DPF2: variants seen among roughly 807,000 people sequenced by gnomAD.
DPF2 encodes the protein zinc finger protein ubi-d4.
DPF2 carries 10 observed loss-of-function variants against 59.6 expected under a neutral mutation model. The observed-to-expected ratio is 0.17, with a 90% confidence interval of 0.10 to 0.28. DPF2 has a LOEUF of 0.28. Ranked by LOEUF, DPF2 falls within the 10% of genes least tolerant of loss-of-function variation. The probability of loss-of-function intolerance (pLI) is 1.00; values close to 1 mark genes in which losing one functional copy is unlikely to be tolerated. For synonymous variants in DPF2, 189 were observed against 190.6 expected, an observed-to-expected ratio of 0.99 and a Z score of 0.07; for missense variants, 315 against 509.4, an observed-to-expected ratio of 0.62 and a Z score of 3.67.
In DPF2 at chr11:65,346,069, C is replaced by T; in HGVS notation, c.904+11C>T. ...ACTGTGGCCGCTCAGGTACTGCTTC[C>T]CGTGAAGGCTGCTGCTTTGCCCAGT... On this transcript the variant is annotated intron_variant, in intron 8 of 10. Transcript: ENST00000528416. 1.9e-6 allele frequency: 3 copies of T among 1,614,064 alleles called. No homozygotes were observed. The highest frequency in any genetic ancestry group is 2.5e-6 in the Non-Finnish European group (3 of 1,179,978).
At chr11:65,336,497 AAAAG>A (rs943747219) in intron 1 of DPF2, among the ~76,000 whole-genome samples, 8 of 152,182 alleles carry the variant, frequency 5.3e-5, no homozygotes, top group African/African-American at 1.7e-4. Flanking sequence ...TTTCTTAAAA[AAAAG>A]AAAGAGGCTG....
At position 65,352,971 on chromosome 11, in the gene DPF2, T is replaced by C. The variant is rs775541722; in HGVS notation, c.*1212T>C. 3 of 152,144 alleles carry C rather than the reference T, an allele frequency of 2.0e-5. No homozygotes were observed. The highest frequency in any genetic ancestry group is 4.4e-5 in the Non-Finnish European group (3 of 68,030). The allele number at this position is 152,144 out of a possible 1,614,324, so 9.4% of individuals were successfully genotyped here. A position where few individuals can be genotyped will look rare whatever the true frequency, so the allele number is the denominator to read the frequency against. ...CTAAACATTAGTAAAAATAAATGTT[T>C]TTACACAGAGCCCTCTGCTGGATGG... On this transcript the variant is annotated 3_prime_UTR_variant, in exon 11 of 11. Transcript: ENST00000528416.
In DPF2 at chr11:65,345,926, G is replaced by C; in HGVS notation, c.776-4G>C. 1 of 1,614,018 alleles carries C rather than the reference G, an allele frequency of 6.2e-7. No individual in the cohort carries two copies. Among genetic ancestry groups the C allele is most frequent in the Non-Finnish European group, 8.5e-7 (1 of 1,179,972 alleles). On this transcript the variant is annotated splice_region_variant and splice_polypyrimidine_tract_variant and intron_variant, in intron 7 of 10. Coordinates refer to ENST00000528416, the MANE Select transcript of DPF2 (RefSeq NM_006268.5). ...GGTGTCATCAAAACTCTTTCTCTCT[G>C]TAGCCAAAAAGGGTCCTGATGGATT...
intron 4 of DPF2, 190 bp downstream of exon 4, chr11:65,341,752 ACT>A (rs1854381043): frequency 1.5e-6 from 1 of 663,580 alleles, no homozygotes. Context: ...CTAACTATAG[ACT>A]CTCATTCATT....
intron 10 of DPF2, among the ~76,000 whole-genome samples, chr11:65,350,521 C>A (rs1651663089): frequency 6.6e-6 from 1 of 150,980 alleles, no homozygotes; most frequent in Non-Finnish European, 1.5e-5. Context: ...GTACCTGGGA[C>A]TACAGGCATG....
chr11:65,352,171 C>T lies in DPF2; in HGVS notation c.*412C>T, dbSNP rs1565545323. 5.0e-6 allele frequency: 1 copy of T among 200,374 alleles called. No individual in the cohort carries two copies. The allele number at this position is 200,374 out of a possible 1,614,324, so 12.4% of individuals were successfully genotyped here. A position where few individuals can be genotyped will look rare whatever the true frequency, so the allele number is the denominator to read the frequency against. On this transcript the variant is annotated 3_prime_UTR_variant, in exon 11 of 11. Transcript: ENST00000528416. ...TCCTGTCCTCTAGAGGCAAGCCAGG[C>T]CAGGGAGCTGGGAGCGAGCAAGCTG...
chr11:65,343,992 G>A lies in DPF2; in HGVS notation c.560G>A (p.Gly187Asp). 6.2e-7 allele frequency: 1 copy of A among 1,614,194 alleles called. No individual in the cohort carries two copies. Among genetic ancestry groups the A allele is most frequent in the Non-Finnish European group, 8.5e-7 (1 of 1,180,028 alleles). Residue 187 changes from glycine (G) to aspartate (D), a missense_variant and splice_region_variant, in exon 6 of 11, where the codon GGT (glycine) becomes GAT (aspartate). Physicochemically the swap from Gly to Asp is moderately conservative, Grantham distance 94. Around this residue, in one of 4 missense-constraint regions of DPF2, gnomAD observed 228 missense variants for 275.3 expected, o/e 0.83. Transcript: ENST00000528416. ...GTGTCTCTTTGCTCTTCTTGGCAGG[G>A]TAAGGGTGTGGGCAGTGCCCGTAAG... ...PKRRGKGKSK[G>D]KGVGSARKKL...
rs1246824997 is a variant in DPF2, at chr11:65,351,761, G to C, written c.*2G>C. ...TACCAGAACCAGAACTCCTCTTGATGTGGCCACCCACCTGCTCCCCGACAT... is the reference window on the plus strand; with the variant it reads ...TACCAGAACCAGAACTCCTCTTGATCTGGCCACCCACCTGCTCCCCGACAT... On this transcript the variant is annotated 3_prime_UTR_variant, in exon 11 of 11. Transcript: ENST00000528416. The C allele has an allele frequency of 1.2e-6, 2 of 1,612,712 alleles. No individual in the cohort carries two copies. The highest frequency in any genetic ancestry group is 2.7e-5 in the African/African-American group (2 of 74,910).
In DPF2 at chr11:65,346,012, G is replaced by C. The variant is rs747337649; in HGVS notation, c.858G>C (p.Thr286=). The C allele has an allele frequency of 3.7e-6, 6 of 1,614,138 alleles. No homozygotes were observed. In the South Asian group the frequency reaches 6.6e-5, roughly 18 times the overall value. ...CLGDSKINKK[T]GQPEELVSCS... is the part of the protein sequence containing the mutation. ...GGGACTCAAAGATTAACAAGAAGACGGGACAACCCGAGGAGCTGGTGTCCT... is the reference window on the plus strand; with the variant it reads ...GGGACTCAAAGATTAACAAGAAGACCGGACAACCCGAGGAGCTGGTGTCCT... Residue 286 remains threonine, a synonymous_variant, in exon 8 of 11, where the codon ACG becomes ACC. Transcript: ENST00000528416.
intron 1 of DPF2, among the ~76,000 whole-genome samples, chr11:65,337,533 A>AGAGG (rs1854228493): frequency 1.4e-5 from 2 of 138,618 alleles, no homozygotes; most frequent in African/African-American, 5.3e-5. Context: ...AGAGAGAGAG[A>AGAGG]GAGAGAGAGA....
At chr11:65,343,496 C>A (rs1854439745) in intron 4 of DPF2, 1 of 518,478 alleles carries the variant, frequency 1.9e-6, no homozygotes, top group Non-Finnish European at 3.5e-6. Flanking sequence ...TTGATTTGGC[C>A]ATGTGGCATG....
Position 65,340,155 on chromosome 11 carries a change from G to A in DPF2, c.33-230G>A, listed in dbSNP as rs901642338. Among the ~76,000 whole-genome samples, 14 of 152,304 alleles carry A rather than the reference G, an allele frequency of 9.2e-5. No individual in the cohort carries two copies. The South Asian group carries it at 2.9e-3, about 32-fold the overall frequency. Reference sequence around the variant, plus strand: ...TAAACTTAAGTCTGATTAGACATATGATGAAATCATGTGTTCCTGATGGTA... The same window carrying A: ...TAAACTTAAGTCTGATTAGACATATAATGAAATCATGTGTTCCTGATGGTA... On this transcript the variant is annotated intron_variant, in intron 1 of 10. Coordinates refer to ENST00000528416, the MANE Select transcript of DPF2 (RefSeq NM_006268.5).
In DPF2 at chr11:65,345,911, A is replaced by G. The variant is rs185419600; in HGVS notation, c.776-19A>G. The G allele has an allele frequency of 2.2e-5, 36 of 1,613,950 alleles. No homozygotes were observed. Among genetic ancestry groups the G allele is most frequent in the Admixed American group, 2.0e-4 (12 of 59,996 alleles). Reference sequence around the variant, plus strand: ...TCAGGGACCCCCATGGGTGTCATCAAAACTCTTTCTCTCTGTAGCCAAAAA... The same window carrying G: ...TCAGGGACCCCCATGGGTGTCATCAGAACTCTTTCTCTCTGTAGCCAAAAA... On this transcript the variant is annotated intron_variant, in intron 7 of 10. Coordinates refer to ENST00000528416, the MANE Select transcript of DPF2 (RefSeq NM_006268.5).
chr11:65,341,029 A>T lies in DPF2; in HGVS notation c.257A>T (p.His86Leu). 6.2e-7 allele frequency: 1 copy of T among 1,614,132 alleles called. No individual in the cohort carries two copies. Among genetic ancestry groups the T allele is most frequent in the South Asian group, 1.1e-5 (1 of 91,084 alleles). Residue 86 changes from histidine to leucine, a missense_variant, in exon 3 of 11, where the codon CAT becomes CTT. Physicochemically the swap from His to Leu is moderately conservative, Grantham distance 99. Around this residue, in one of 4 missense-constraint regions of DPF2, gnomAD observed 228 missense variants for 275.3 expected, o/e 0.83. Coordinates refer to ENST00000528416, the MANE Select transcript of DPF2 (RefSeq NM_006268.5). ...ARRWRKKRRA[H>L]PPEDPRLSFP... ...CGCTGGCGGAAAAAGCGGCGAGCCC[A>T]TCCCCCTGAGGATCCACGACTTTCC...
At chr11:65,344,509 T>C (rs1854472073) in intron 6 of DPF2, 5 of 1,477,174 alleles carry the variant, frequency 3.4e-6, no homozygotes, top group Non-Finnish European at 4.6e-6. Context: ...TGCTCTGCTT[T>C]CCTGCTGCTG....
At chr11:65,342,556 C>T (rs1854404232) in intron 4 of DPF2, among the ~76,000 whole-genome samples, 1 of 152,224 alleles carries the variant, frequency 6.6e-6, no homozygotes, top group African/African-American at 2.4e-5. Context: ...CACTTAGTCT[C>T]TGCCAACAGA....
chr11:65,335,132 A>C (rs1590927634), intron 1 of DPF2, among the ~76,000 whole-genome samples: 2 of 142,934 alleles, frequency 1.4e-5, no homozygotes, highest in African/African-American at 2.6e-5. Context: ...TCTTTCAGCC[A>C]CCCCTCCTCC....
At position 65,344,314 on chromosome 11, in the gene DPF2, C is replaced by T. The variant is rs4647585; in HGVS notation, c.637+245C>T. 2.5e-3 allele frequency: 1,549 copies of T among 614,154 alleles called. 18 individuals carry two copies. In the African/African-American group the frequency reaches 0.026, roughly 10 times the overall value. The allele number at this position is 614,154 out of a possible 1,614,324, so 38.0% of individuals were successfully genotyped here. A position where few individuals can be genotyped will look rare whatever the true frequency, so the allele number is the denominator to read the frequency against. On this transcript the variant is annotated intron_variant, in intron 6 of 10. Coordinates refer to ENST00000528416, the MANE Select transcript of DPF2 (RefSeq NM_006268.5). ...CTGGGGTAGGGTTGCTTGTGGGGGC[C>T]ACAGCAGGCAGGGTTGGCCTCTCAA... is the stretch of plus-strand genomic sequence containing the variant.
At chr11:65,350,490 C>G (rs1276901343) in intron 10 of DPF2, among the ~76,000 whole-genome samples, 1 of 148,762 alleles carries the variant, frequency 6.7e-6, no homozygotes, top group African/African-American at 2.5e-5. Flanking sequence ...ATCTGGTAAT[C>G]CTCCCACCTC....
Sources: gnomAD v4.1 joint callset for allele counts (sites outside exome capture counted in the v4.1 genomes callset) on GRCh38, gnomAD v4.1.1 for gene constraint, gnomAD v4.1.1 regional missense constraint, MANE v1.5 for transcripts, NCBI Gene and HGNC (gene_info 2026-07-23, HGNC 2026-07-21) for gene names.